Variants in MAGEB6 observed in about 807,000 individuals in gnomAD.
MAGEB6 encodes the protein melanoma-associated antigen B6.
For synonymous variants in MAGEB6, 128 were observed against 136.2 expected, an observed-to-expected ratio of 0.94 and a Z score of 0.42; for missense variants, 327 against 329.7, an observed-to-expected ratio of 0.99 and a Z score of 0.06.
rs765918379 is a variant in MAGEB6 at position 26,194,623 on chromosome X, C to T, written c.777C>T (p.Gly259=). The change falls in exon 2 of 2, where the codon GGC becomes GGT. Residue 259 remains glycine (G), a synonymous_variant. Transcript: ENST00000379034. ...AATTGAAAGAAATGGATTCCAGCGG[C>T]GAGTCCTACACCCTTGTCAGCAAGC... ...GVELKEMDSS[G]ESYTLVSKLG... is the part of the protein sequence containing the mutation. The T allele has an allele frequency of 1.4e-5, 17 of 1,211,289 alleles. No individual in the cohort carries two copies. The highest frequency in any genetic ancestry group is 1.9e-5 in the Non-Finnish European group (17 of 895,408).
rs1172741100 is a variant in MAGEB6, at chrX:26,194,824, G to T, written c.978G>T (p.Gly326=). The change falls in exon 2 of 2, where the codon GGG becomes GGT. Residue 326 remains glycine (G), a synonymous_variant. Transcript: ENST00000379034. ...IYDGILHSIY[G]DARKIITEDL... Reference sequence around the variant, plus strand: ...ATGGGATCCTGCATTCAATCTATGGGGATGCTCGGAAGATCATTACTGAAG... The same window carrying T: ...ATGGGATCCTGCATTCAATCTATGGTGATGCTCGGAAGATCATTACTGAAG... 8.3e-7 allele frequency: 1 copy of T among 1,211,375 alleles called. No homozygotes were observed. The highest frequency in any genetic ancestry group is 1.1e-6 in the Non-Finnish European group (1 of 895,459).
intron 1 of MAGEB6, among the ~76,000 whole-genome samples, chrX:26,193,224 T>C (rs753560723): frequency 9.1e-6 from 1 of 109,878 alleles, no homozygotes; most frequent in East Asian, 2.9e-4. Context: ...CTTTAAGTTT[T>C]AGGGTACATG....
At position 26,193,915 on chromosome X, in the gene MAGEB6, G is replaced by T; in HGVS notation, c.69G>T (p.Gln23His). ...EKRQETNGQP[Q>H]GLTGPQATAE... ...GCCAAGAGACCAATGGTCAGCCACAGGGTCTCACGGGTCCCCAGGCCACTG... is the reference window on the plus strand; with the variant it reads ...GCCAAGAGACCAATGGTCAGCCACATGGTCTCACGGGTCCCCAGGCCACTG... The change falls in exon 2 of 2, where the codon CAG (glutamine) becomes CAT (histidine). Residue 23 changes from glutamine to histidine, a missense_variant. Coordinates refer to ENST00000379034, the MANE Select transcript of MAGEB6 (RefSeq NM_173523.2). The T allele has an allele frequency of 8.3e-7, 1 of 1,202,857 alleles. No individual in the cohort carries two copies. Among genetic ancestry groups the T allele is most frequent in the Non-Finnish European group, 1.1e-6 (1 of 890,721 alleles).
In MAGEB6 at chrX:26,195,484, T is replaced by A. The variant is rs1278371592; in HGVS notation, c.*414T>A. On this transcript the variant is annotated 3_prime_UTR_variant, in exon 2 of 2. Transcript: ENST00000379034. ...GATAACATGGTAACAGAGAATTGAT[T>A]TTCATATGAATCTTAACTCCACAGT... The A allele has an allele frequency of 7.4e-6, 1 of 135,483 alleles. No individual in the cohort carries two copies. Among genetic ancestry groups the A allele is most frequent in the African/African-American group, 3.2e-5 (1 of 31,432 alleles). 11.2% of individuals were successfully genotyped at this position (135,483 alleles called of 1,213,427 possible).
chrX:26,193,741 C>T, intron 1 of MAGEB6, 45 bp from the exon 2 acceptor site: 2 of 939,207 alleles, frequency 2.1e-6, no homozygotes, highest in Non-Finnish European at 2.9e-6. Context: ...AAGATGGTCG[C>T]TCTCTGCTGA....
At position 26,194,802 on chromosome X, in the gene MAGEB6, G is replaced by A. The variant is rs773675055; in HGVS notation, c.956G>A (p.Gly319Glu). The change falls in exon 2 of 2, where the codon GGG becomes GAG. Residue 319 changes from glycine to glutamate, a missense_variant. Gly to Glu is a moderately conservative substitution (Grantham distance 98). Transcript: ENST00000379034. ...EFLGLLGIYDGILHSIYGDAR... is the reference protein window; with the variant it reads ...EFLGLLGIYDEILHSIYGDAR... ...CTGGGTCTGTTGGGGATATATGATGGGATCCTGCATTCAATCTATGGGGAT... is the reference window on the plus strand; with the variant it reads ...CTGGGTCTGTTGGGGATATATGATGAGATCCTGCATTCAATCTATGGGGAT... 8.3e-7 allele frequency: 1 copy of A among 1,211,459 alleles called. No homozygotes were observed. Among genetic ancestry groups the A allele is most frequent in the South Asian group, 1.8e-5 (1 of 56,947 alleles).
At position 26,194,702 on chromosome X, in the gene MAGEB6, G is replaced by A; in HGVS notation, c.856G>A (p.Gly286Ser). Residue 286 changes from glycine to serine, a missense_variant, in exon 2 of 2, where the codon GGT (glycine) becomes AGT (serine). Coordinates refer to ENST00000379034, the MANE Select transcript of MAGEB6 (RefSeq NM_173523.2). ...TGGTGATAATGCGCTGCCGAAGTCG[G>A]GTCTCCTGATGTCGCTCCTGGTTGT... ...LSGDNALPKS[G>S]LLMSLLVVIF... 8.3e-7 allele frequency: 1 copy of A among 1,211,489 alleles called. No individual in the cohort carries two copies. Among genetic ancestry groups the A allele is most frequent in the Non-Finnish European group, 1.1e-6 (1 of 895,451 alleles).
rs768401582 is a variant in MAGEB6 at position 26,194,131 on chromosome X, C to T, written c.285C>T (p.Ser95=). 1.4e-5 allele frequency: 16 copies of T among 1,174,431 alleles called. No individual in the cohort carries two copies. The highest frequency in any genetic ancestry group is 5.8e-6 in the Non-Finnish European group (5 of 869,070). ...AANGQDEKSP[S]TSRDASVPQE... ...ACGGCCAAGATGAGAAAAGTCCAAG[C>T]ACCTCCCGTGATGCCTCCGTTCCTC... The change falls in exon 2 of 2, where the codon AGC becomes AGT. Residue 95 remains serine (S), a synonymous_variant. Coordinates refer to ENST00000379034, the MANE Select transcript of MAGEB6 (RefSeq NM_173523.2).
chrX:26,193,857 G>T lies in MAGEB6; in HGVS notation c.11G>T (p.Gly4Val), dbSNP rs139871286. Residue 4 changes from glycine to valine, a missense_variant, in exon 2 of 2, where the codon GGT (glycine) becomes GTT (valine). Physicochemically the swap from Gly to Val is moderately radical, Grantham distance 109. Transcript: ENST00000379034. The stretch of plus-strand genomic sequence containing the variant: ...CAGGCCACAGCCATCATGCCTCGGG[G>T]TCACAAGAGTAAGCTCCGTACCTGT... MPR[G>V]HKSKLRTCEK... The T allele has an allele frequency of 3.8e-4, 442 of 1,160,765 alleles. 2 individuals carry two copies. In the Middle Eastern group the frequency reaches 5.9e-3, roughly 15 times the overall value.
In MAGEB6 at chrX:26,195,251, TTACACATGAGTAA is replaced by T; in HGVS notation, c.*182_*194del. The T allele has an allele frequency of 8.7e-6, 4 of 461,693 alleles. No individual in the cohort carries two copies. The highest frequency in any genetic ancestry group is 1.1e-5 in the Non-Finnish European group (3 of 278,981). 38.0% of individuals were successfully genotyped at this position (461,693 alleles called of 1,213,427 possible). A position where few individuals can be genotyped will look rare whatever the true frequency, so the allele number is the denominator to read the frequency against. On this transcript the variant is annotated 3_prime_UTR_variant, in exon 2 of 2. Coordinates refer to ENST00000379034, the MANE Select transcript of MAGEB6 (RefSeq NM_173523.2). ...GAACAAGATATGTATCTTTCTTTTGTTACACATGAGTAACTTGCAGATTTATGTTTTATCTCTG... is the reference window on the plus strand; with the variant it reads ...GAACAAGATATGTATCTTTCTTTTGTCTTGCAGATTTATGTTTTATCTCTG...
At position 26,193,933 on chromosome X, in the gene MAGEB6, G is replaced by A. The variant is rs1703172741; in HGVS notation, c.87G>A (p.Gln29=). Residue 29 remains glutamine (Q), a synonymous_variant, in exon 2 of 2, where the codon CAG becomes CAA. Coordinates refer to ENST00000379034, the MANE Select transcript of MAGEB6 (RefSeq NM_173523.2). ...NGQPQGLTGP[Q]ATAEKQEESH... ...AGCCACAGGGTCTCACGGGTCCCCA[G>A]GCCACTGCAGAGAAGCAGGAAGAGT... The A allele has an allele frequency of 8.3e-7, 1 of 1,209,362 alleles. No individual in the cohort carries two copies. The highest frequency in any genetic ancestry group is 1.1e-6 in the Non-Finnish European group (1 of 894,074).
intron 1 of MAGEB6, among the ~76,000 whole-genome samples, 195 bp from the exon 2 acceptor site, chrX:26,193,591 A>G (rs1426327438): frequency 9.1e-6 from 1 of 109,869 alleles, no homozygotes; most frequent in Non-Finnish European, 1.9e-5. Context: ...AAGCCCCAAA[A>G]TGGGCTGTCA....
Position 26,195,076 on chromosome X carries a change from G to A in MAGEB6, c.*6G>A, listed in dbSNP as rs1929176531. The A allele has an allele frequency of 1.7e-6, 2 of 1,201,656 alleles. No individual in the cohort carries two copies. Among genetic ancestry groups the A allele is most frequent in the Non-Finnish European group, 2.3e-6 (2 of 888,729 alleles). On this transcript the variant is annotated 3_prime_UTR_variant, in exon 2 of 2. Coordinates refer to ENST00000379034, the MANE Select transcript of MAGEB6 (RefSeq NM_173523.2). ...CATTGAGACTGAGAGCTTAAGGCAG[G>A]GCTGGCACTATTTCCTTGGCCAGGG...
chrX:26,194,362 T>C lies in MAGEB6; in HGVS notation c.516T>C (p.Gly172=). ...SGSKYDVAAE[G]EDEESVSASQ... ...CAAAATATGATGTGGCTGCCGAGGG[T>C]GAAGATGAGGAAAGTGTAAGCGCCT... The change falls in exon 2 of 2, where the codon GGT becomes GGC. Residue 172 remains glycine, a synonymous_variant. Coordinates refer to ENST00000379034, the MANE Select transcript of MAGEB6 (RefSeq NM_173523.2). 8.3e-7 allele frequency: 1 copy of C among 1,210,794 alleles called. No homozygotes were observed. Among genetic ancestry groups the C allele is most frequent in the Non-Finnish European group, 1.1e-6 (1 of 895,241 alleles).
Position 26,193,967 on chromosome X carries a change from T to A in MAGEB6, c.121T>A (p.Ser41Thr), listed in dbSNP as rs1334807176. ...TAEKQEESHS[S>T]SSSSRACLGD... ...AGAGAAGCAGGAAGAGTCCCACTCT[T>A]CCTCATCCTCTTCTCGCGCTTGTCT... is the stretch of plus-strand genomic sequence containing the variant. The change falls in exon 2 of 2, where the codon TCC becomes ACC. Residue 41 changes from serine (S) to threonine (T), a missense_variant. Transcript: ENST00000379034. 60 of 1,211,437 alleles carry A rather than the reference T, an allele frequency of 5.0e-5. No homozygotes were observed. Among genetic ancestry groups the A allele is most frequent in the Non-Finnish European group, 6.7e-5 (60 of 895,298 alleles).
rs1929177817 is a variant in MAGEB6, at chrX:26,195,111, G to C, written c.*41G>C. On this transcript the variant is annotated 3_prime_UTR_variant, in exon 2 of 2. Transcript: ENST00000379034. ...ATTTCCTTGGCCAGGGTACCTTATGGGGCCATATCCTACAGATCCTCCCAT... is the reference window on the plus strand; with the variant it reads ...ATTTCCTTGGCCAGGGTACCTTATGCGGCCATATCCTACAGATCCTCCCAT... 1 of 1,174,010 alleles carries C rather than the reference G, an allele frequency of 8.5e-7. No homozygotes were observed. Among genetic ancestry groups the C allele is most frequent in the African/African-American group, 1.8e-5 (1 of 56,190 alleles).
At chrX:26,192,791 A>G (rs1929128127) in intron 1 of MAGEB6, among the ~76,000 whole-genome samples, 1 of 111,443 alleles carries the variant, frequency 9.0e-6, no homozygotes, top group African/African-American at 3.3e-5. Context: ...CCCTCCTTAG[A>G]ATTGAGGGAG....
chrX:26,194,956 G>A lies in MAGEB6; in HGVS notation c.1110G>A (p.Met370Ile), dbSNP rs1929174142. ...GAGCCTATGCTGAAACCACCAAGAT[G>A]AGAGTCCTGCGTGTTTTGGCCGACA... ...GPRAYAETTK[M>I]RVLRVLADSS... The change falls in exon 2 of 2, where the codon ATG (methionine) becomes ATA (isoleucine). Residue 370 changes from methionine to isoleucine, a missense_variant. Transcript: ENST00000379034. 1.7e-6 allele frequency: 2 copies of A among 1,211,875 alleles called. No individual in the cohort carries two copies. The highest frequency in any genetic ancestry group is 3.0e-5 in the East Asian group (1 of 33,853).
At position 26,194,305 on chromosome X, in the gene MAGEB6, C is replaced by T. The variant is rs374192441; in HGVS notation, c.459C>T (p.Pro153=). The T allele has an allele frequency of 6.0e-5, 72 of 1,208,498 alleles. No homozygotes were observed. Among genetic ancestry groups the T allele is most frequent in the Non-Finnish European group, 1.0e-5 (9 of 895,092 alleles). The part of the protein sequence containing the change: ...SVPQESQGAS[P]TGSPDAGVSG... ...CTCAGGAGTCTCAGGGAGCTTCACC[C>T]ACTGGCTCGCCTGATGCAGGTGTTT... Residue 153 remains proline (P), a synonymous_variant, in exon 2 of 2, where the codon CCC becomes CCT. Transcript: ENST00000379034.
Sources: gnomAD v4.1 joint callset for allele counts (sites outside exome capture counted in the v4.1 genomes callset) on GRCh38, gnomAD v4.1.1 for gene constraint, MANE v1.5 for transcripts, NCBI Gene and HGNC (gene_info 2026-07-23, HGNC 2026-07-21) for gene names.